AGMO: variants seen among roughly 807,000 people sequenced by gnomAD.
The protein encoded by AGMO is alkylglycerol monooxygenase.
In AGMO, 75 loss-of-function variants were observed where a neutral mutation model predicts 60.2. The ratio of observed to expected loss-of-function variants is 1.25; its 90% CI spans 1.03 to 1.51. AGMO has a LOEUF of 1.51. AGMO is among the 40% of genes most tolerant of loss of function. The probability of loss-of-function intolerance (pLI) is 0.00; values close to 1 mark genes in which losing one functional copy is unlikely to be tolerated. For missense variants in AGMO, 763 were observed against 525.5 expected, an observed-to-expected ratio of 1.45 and a Z score of -4.42; for synonymous variants, 261 against 177.1, an observed-to-expected ratio of 1.47 and a Z score of -3.76.
At chr7:15,337,567 TACC>T (rs1781700893) in intron 12 of AGMO, among the ~76,000 whole-genome samples, 1 of 152,182 alleles carries the variant, frequency 6.6e-6, no homozygotes, top group African/African-American at 2.4e-5. Context: ...TGATTAAATC[TACC>T]ACTACAACAC....
At chr7:15,544,230 G>A (rs1382155287) in intron 3 of AGMO, among the ~76,000 whole-genome samples, 1 of 151,362 alleles carries the variant, frequency 6.6e-6, no homozygotes, top group Non-Finnish European at 1.5e-5. Context: ...GAGAGGGTGG[G>A]GGTGGCAAAG....
At chr7:15,166,229 C>T in the AGMO span, among the ~76,000 whole-genome samples, 100 of 151,198 alleles carry the variant, frequency 6.6e-4, no homozygotes, top group African/African-American at 2.3e-3. Flanking sequence ...GCAGGCTGCT[C>T]TATTAAGGGG....
chr7:15,387,568 T>C (rs1783968496), intron 8 of AGMO, 28 bp from the exon 9 acceptor site: 5 of 1,569,270 alleles, frequency 3.2e-6, no homozygotes, highest in Non-Finnish European at 4.3e-6. Flanking sequence ...AGAGCTTATT[T>C]CACATAAGAT....
the AGMO span, among the ~76,000 whole-genome samples, chr7:15,184,967 T>C: frequency 9.6e-3 from 1,454 of 151,474 alleles, 11 homozygotes; most frequent in South Asian, 0.02. Context: ...GAAGGAAGTA[T>C]AAGGGAGTCG....
At chr7:15,169,733 G>A in the AGMO span, among the ~76,000 whole-genome samples, 3 of 152,148 alleles carry the variant, frequency 2.0e-5, no homozygotes, top group Non-Finnish European at 4.4e-5. Context: ...CACCACACTG[G>A]CCAACTGGTG....
intron 5 of AGMO, among the ~76,000 whole-genome samples, chr7:15,402,309 T>C (rs1237722492): frequency 6.6e-6 from 1 of 151,130 alleles, no homozygotes; most frequent in Admixed American, 6.6e-5. Flanking sequence ...TTTCTCTTTC[T>C]TTTTCTCTCT....
the AGMO span, among the ~76,000 whole-genome samples, chr7:15,193,469 T>C: frequency 6.6e-6 from 1 of 152,182 alleles, no homozygotes; most frequent in Non-Finnish European, 1.5e-5. Context: ...TATAAGTTTA[T>C]CTCTTTTGAA....
At chr7:15,276,891 CTTT>C (rs34137663) in intron 12 of AGMO, among the ~76,000 whole-genome samples, 2 of 139,360 alleles carry the variant, frequency 1.4e-5, no homozygotes, top group Admixed American at 7.1e-5. Context: ...GCCATTTTTC[CTTT>C]TTTTTTTTTT....
chr7:15,343,793 C>A (rs1781939331), intron 12 of AGMO, among the ~76,000 whole-genome samples: 1 of 152,098 alleles, frequency 6.6e-6, no homozygotes, highest in African/African-American at 2.4e-5. Context: ...TTTTGAATCA[C>A]AGAAAGGGAA....
At chr7:15,252,160 T>C (rs933716452) in intron 12 of AGMO, among the ~76,000 whole-genome samples, 17 of 152,136 alleles carry the variant, frequency 1.1e-4, no homozygotes, top group African/African-American at 3.4e-4. Flanking sequence ...ATAATCACAA[T>C]AACAAACATA....
At chr7:15,317,086 A>AT (rs1419280560) in intron 12 of AGMO, among the ~76,000 whole-genome samples, 4 of 152,180 alleles carry the variant, frequency 2.6e-5, no homozygotes, top group Admixed American at 2.6e-4. Context: ...TTTTCCCTTG[A>AT]TTCATCAAGT....
At chr7:15,198,409 G>A (rs1331037655), downstream of AGMO, among the ~76,000 whole-genome samples, 1 of 152,100 alleles carries the variant, frequency 6.6e-6, no homozygotes, top group Non-Finnish European at 1.5e-5. Flanking sequence ...AAATTAGCAG[G>A]GTTAAAGAAT....
intron 2 of AGMO, among the ~76,000 whole-genome samples, chr7:15,545,638 AT>A (rs1457982785): frequency 1.3e-5 from 2 of 152,136 alleles, no homozygotes; most frequent in African/African-American, 4.8e-5. Flanking sequence ...CCTAATTAAA[AT>A]AAACAATTGT....
At chr7:15,230,963 A>G (rs1679753208) in intron 12 of AGMO, among the ~76,000 whole-genome samples, 1 of 152,202 alleles carries the variant, frequency 6.6e-6, no homozygotes. Context: ...CCACTGCACC[A>G]TTAATGCTTA....
chr7:15,190,609 T>C, the AGMO span, among the ~76,000 whole-genome samples: 1 of 152,146 alleles, frequency 6.6e-6, no homozygotes, highest in Non-Finnish European at 1.5e-5. Context: ...GCATTAGAAT[T>C]GTCTGGCTCC....
chr7:15,434,954 T>C (rs1007649834), intron 3 of AGMO, among the ~76,000 whole-genome samples: 4 of 146,988 alleles, frequency 2.7e-5, no homozygotes, highest in Admixed American at 2.0e-4. Context: ...AATAACATCA[T>C]ACAGTATTTT....
At chr7:15,337,611 C>T (rs1036305016) in intron 12 of AGMO, among the ~76,000 whole-genome samples, 1 of 152,134 alleles carries the variant, frequency 6.6e-6, no homozygotes, top group Non-Finnish European at 1.5e-5. Context: ...TACAATTCTG[C>T]CTGGGAAAAT....
intron 3 of AGMO, among the ~76,000 whole-genome samples, chr7:15,473,333 G>C (rs1782501698): frequency 6.6e-6 from 1 of 151,872 alleles, no homozygotes; most frequent in East Asian, 1.9e-4. Flanking sequence ...AGACGAGCTG[G>C]TACCATTCCA....
chr7:15,301,706 A>G (rs9691737), intron 12 of AGMO, among the ~76,000 whole-genome samples: 235 of 152,334 alleles, frequency 1.5e-3, no homozygotes, highest in African/African-American at 5.5e-3. Context: ...TTTCTTTTAA[A>G]AACCCAAGAA....
Sources: allele counts gnomAD v4.1 joint callset (sites outside exome capture counted in the v4.1 genomes callset), GRCh38; gene constraint gnomAD v4.1.1; transcripts MANE v1.5; gene names NCBI Gene and HGNC (gene_info 2026-07-23, HGNC 2026-07-21).